The following XPO7 variants were observed in gnomAD, a reference collection of about 807,000 sequenced individuals.
The protein encoded by XPO7 is exportin 7.
XPO7 carries 21 observed loss-of-function variants against 144.3 expected under a neutral mutation model. That is an observed-to-expected ratio of 0.15 (90% CI 0.10 to 0.21). The LOEUF is 0.21. Among genes scored for constraint, XPO7 ranks in the 10% least tolerant of loss-of-function variants. The pLI, the probability that XPO7 is intolerant of heterozygous loss-of-function variation, is 1.00. For missense variants in XPO7, 808 were observed against 1,325.8 expected, an observed-to-expected ratio of 0.61 and a Z score of 6.06; for synonymous variants, 580 against 499.6, an observed-to-expected ratio of 1.16 and a Z score of -2.15.
intron 1 of XPO7, among the ~76,000 whole-genome samples, chr8:21,942,993 G>A (rs1442544559): frequency 6.6e-6 from 1 of 152,208 alleles, no homozygotes; most frequent in Non-Finnish European, 1.5e-5. Flanking sequence ...AGTACCAGCC[G>A]TTTTATCCAC....
chr8:21,986,461 A>G (rs1042100609), intron 13 of XPO7, among the ~76,000 whole-genome samples: 1 of 152,038 alleles, frequency 6.6e-6, no homozygotes, highest in African/African-American at 2.4e-5. Context: ...CCTTCAATAT[A>G]TATATCTTCT....
intron 1 of XPO7, among the ~76,000 whole-genome samples, chr8:21,936,115 G>A (rs184272937): frequency 6.6e-6 from 1 of 152,270 alleles, no homozygotes; most frequent in East Asian, 1.9e-4. Flanking sequence ...TTAGTTTCCA[G>A]TCTTTTAATG....
chr8:21,988,728 A>G, intron 15 of XPO7: 1 of 409,940 alleles, frequency 2.4e-6, no homozygotes, highest in South Asian at 2.9e-5. Context: ...TGCAGAAATC[A>G]GCCCTGGAGT....
intron 1 of XPO7, among the ~76,000 whole-genome samples, chr8:21,945,530 A>G (rs965062841): frequency 1.3e-5 from 2 of 152,252 alleles, no homozygotes; most frequent in East Asian, 3.8e-4. Flanking sequence ...TGTTTGAGAC[A>G]AAATAGGCCT....
chr8:22,001,786 A>G (rs1813156475), intron 24 of XPO7, among the ~76,000 whole-genome samples: 1 of 152,228 alleles, frequency 6.6e-6, no homozygotes, highest in African/African-American at 2.4e-5. Flanking sequence ...GATAACACCT[A>G]TAAAGTACTT....
At position 21,987,840 on chromosome 8, in the gene XPO7, C is replaced by T. The variant is rs374455934; in HGVS notation, c.1770C>T (p.Ser590=). Residue 590 remains serine (S), a synonymous_variant, in exon 15 of 28, where the codon AGC becomes AGT. Coordinates refer to ENST00000252512, the MANE Select transcript of XPO7 (RefSeq NM_015024.5). The part of the protein sequence containing the change: ...LGLNDETMVL[S]VFIGKIITNL... ...TGAATGATGAGACCATGGTCCTAAG[C>T]GTCTTCATAGGAAAAATGTAAGTGT... 3.1e-6 allele frequency: 5 copies of T among 1,613,684 alleles called. No individual in the cohort carries two copies. In the East Asian group the frequency reaches 6.7e-5, roughly 22 times the overall value.
chr8:21,946,841 A>G (rs552557004), intron 1 of XPO7, among the ~76,000 whole-genome samples: 1 of 152,142 alleles, frequency 6.6e-6, no homozygotes, highest in Admixed American at 6.5e-5. Context: ...GAAAGAAAAC[A>G]TCACCTGCAG....
At chr8:21,989,129 G>A in intron 16 of XPO7, 46 bp downstream of exon 16, 2 of 1,552,050 alleles carry the variant, frequency 1.3e-6, no homozygotes. Flanking sequence ...AAACTGGCAT[G>A]CCACAGTCTT....
chr8:21,966,314 G>A (rs1425383831), intron 1 of XPO7: 2 of 780,574 alleles, frequency 2.6e-6, no homozygotes, highest in East Asian at 2.4e-5. Context: ...AGGGAGGAAG[G>A]TGCGTAAATA....
chr8:21,953,167 T>G (rs1261571231), intron 1 of XPO7, among the ~76,000 whole-genome samples: 1 of 152,118 alleles, frequency 6.6e-6, no homozygotes, highest in East Asian at 1.9e-4. Flanking sequence ...TACAGTGACA[T>G]GTATCTACAA....
intron 16 of XPO7, among the ~76,000 whole-genome samples, chr8:21,989,878 C>CTTGCTCTG (rs1341094601): frequency 4.3e-5 from 3 of 70,018 alleles, no homozygotes; most frequent in African/African-American, 1.4e-4. Context: ...GAGATGGAGT[C>CTTGCTCTG]TTGCTCTGTT....
rs6557718 is a variant in XPO7 at position 21,990,236 on chromosome 8, A to T, written c.1869-108A>T. 5.4e-3 allele frequency: 6,207 copies of T among 1,140,244 alleles called. 259 individuals carry two copies. In the African/African-American group the frequency reaches 0.085, roughly 16 times the overall value. The allele number at this position is 1,140,244 out of a possible 1,614,324, so 70.6% of individuals were successfully genotyped here. A position where few individuals can be genotyped will look rare whatever the true frequency, so the allele number is the denominator to read the frequency against. ...GCAGTGGTATACTCAAGTATTTTTT[A>T]AAAAATAAGATATTTGGGTGAACTG... is the stretch of plus-strand genomic sequence containing the variant. On this transcript the variant is annotated intron_variant, in intron 16 of 27. Transcript: ENST00000252512.
chr8:21,985,509 A>G, intron 12 of XPO7, 77 bp from the exon 13 acceptor site: 1 of 1,329,918 alleles, frequency 7.5e-7, no homozygotes, highest in Admixed American at 1.7e-5. Flanking sequence ...TGTTCTTAAG[A>G]TTAAGGAAGT....
At chr8:21,990,443 C>A in intron 17 of XPO7, 36 bp downstream of exon 17, 1 of 1,607,524 alleles carries the variant, frequency 6.2e-7, no homozygotes, top group East Asian at 2.2e-5. Flanking sequence ...GGCCCTCCTA[C>A]CACCCACACA....
chr8:21,974,578 A>C, intron 5 of XPO7, 92 bp from the exon 6 acceptor site: 1 of 790,940 alleles, frequency 1.3e-6, no homozygotes, highest in Non-Finnish European at 2.0e-6. Flanking sequence ...TGTTGCTCTT[A>C]CTGGAAATCC....
intron 1 of XPO7, among the ~76,000 whole-genome samples, chr8:21,954,558 C>T (rs1465712775): frequency 4.6e-5 from 7 of 152,020 alleles, no homozygotes; most frequent in South Asian, 2.1e-4. Context: ...CGCTTGAACC[C>T]GGGAGGTGGA....
At chr8:21,960,947 C>A (rs1000427354) in intron 1 of XPO7, among the ~76,000 whole-genome samples, 2 of 152,102 alleles carry the variant, frequency 1.3e-5, no homozygotes, top group African/African-American at 4.8e-5. Flanking sequence ...TCCATACATA[C>A]AGAAAAATAC....
At chr8:21,981,968 T>G (rs1563331360) in intron 10 of XPO7, 91 bp downstream of exon 10, 1 of 1,541,932 alleles carries the variant, frequency 6.5e-7, no homozygotes, top group Non-Finnish European at 8.8e-7. Context: ...TTTTTTTTCT[T>G]GGCAAAGGTA....
intron 1 of XPO7, among the ~76,000 whole-genome samples, chr8:21,951,605 G>T (rs189240412): frequency 1.4e-4 from 21 of 152,248 alleles, no homozygotes; most frequent in African/African-American, 4.8e-4. Context: ...GCCCTTTTCT[G>T]ATTTGCATGT....
Sources: gnomAD v4.1 joint callset for allele counts (sites outside exome capture counted in the v4.1 genomes callset) on GRCh38, gnomAD v4.1.1 for gene constraint, MANE v1.5 for transcripts, NCBI Gene and HGNC (gene_info 2026-07-23, HGNC 2026-07-21) for gene names.